AGO1: variants seen among roughly 807,000 people sequenced by gnomAD.
The protein encoded by AGO1 is argonaute RISC component 1.
AGO1 carries 11 observed loss-of-function variants against 109.2 expected under a neutral mutation model. The observed-to-expected ratio is 0.10, with a 90% confidence interval of 0.06 to 0.17. AGO1 has a LOEUF of 0.17. AGO1 is among the 10% of genes least tolerant of loss of function. AGO1 has a pLI of 1.00. For synonymous variants in AGO1, 422 were observed against 418.6 expected, an observed-to-expected ratio of 1.01 and a Z score of -0.10; for missense variants, 574 against 1,140.3, an observed-to-expected ratio of 0.50 and a Z score of 7.15.
At chr1:35,906,808 GAAA>G (rs58488535) in intron 11 of AGO1, 124 bp from the exon 12 acceptor site, 867 of 535,942 alleles carry the variant, frequency 1.6e-3, no homozygotes, top group South Asian at 1.7e-3. Context: ...CTGTCTCAAG[GAAA>G]AAAAAAAAAA....
At chr1:35,900,834 C>A (rs557683385) in intron 8 of AGO1, among the ~76,000 whole-genome samples, 2 of 151,908 alleles carry the variant, frequency 1.3e-5, no homozygotes, top group African/African-American at 2.4e-5. Context: ...TGCTTAAACC[C>A]GGGAGGCAGA....
At chr1:35,895,421 C>T (rs765205342) in intron 8 of AGO1, 152 bp downstream of exon 8, 1 of 868,734 alleles carries the variant, frequency 1.2e-6, no homozygotes, top group Non-Finnish European at 1.7e-6. Context: ...CTCATTCTTA[C>T]CTGCTAAGTT....
chr1:35,909,178 C>T (rs566992047), intron 12 of AGO1, among the ~76,000 whole-genome samples: 10 of 152,218 alleles, frequency 6.6e-5, no homozygotes, highest in African/African-American at 2.4e-4. Flanking sequence ...TCAAAAAAAC[C>T]TTCATTGATT....
intron 14 of AGO1, among the ~76,000 whole-genome samples, chr1:35,915,080 G>T (rs1207630924): frequency 1.3e-5 from 2 of 152,060 alleles, no homozygotes; most frequent in African/African-American, 4.8e-5. Context: ...ACCTACTGTG[G>T]GCTACGTCCT....
chr1:35,910,352 A>C (rs1357592110), intron 12 of AGO1, among the ~76,000 whole-genome samples: 1 of 151,646 alleles, frequency 6.6e-6, no homozygotes, highest in East Asian at 1.9e-4. Context: ...TCTTGTCTTT[A>C]GTATATTTAA....
chr1:35,872,049 G>A (rs1264013445), intron 1 of AGO1, among the ~76,000 whole-genome samples: 1 of 143,080 alleles, frequency 7.0e-6, no homozygotes, highest in African/African-American at 2.6e-5. Context: ...CAGCCTGGGC[G>A]ACAGAGCGAG....
rs1291821976 is a variant in AGO1, at chr1:35,921,228, AC to A, written c.*1622del. ...TTGCTGCTCCCTATTGCTTCTGTTT[AC>A]AAAAATGAATTTTTCCTGGTTTCCC... is the stretch of plus-strand genomic sequence containing the variant. On this transcript the variant is annotated 3_prime_UTR_variant, in exon 19 of 19. Transcript: ENST00000373204. 1.3e-5 allele frequency: 2 copies of A among 151,300 alleles called. No individual in the cohort carries two copies. The highest frequency in any genetic ancestry group is 2.9e-5 in the Non-Finnish European group (2 of 67,998). 9.4% of individuals were successfully genotyped at this position (151,300 alleles called of 1,614,324 possible). A position where few individuals can be genotyped will look rare whatever the true frequency, so the allele number is the denominator to read the frequency against.
rs1451961948 is a variant in AGO1, at chr1:35,917,576, C to T, written c.2029-17C>T. 2 of 1,604,018 alleles carry T rather than the reference C, an allele frequency of 1.2e-6. No homozygotes were observed. Among genetic ancestry groups the T allele is most frequent in the Non-Finnish European group, 1.7e-6 (2 of 1,172,546 alleles). ...CTGTGTATTTCTTTGTTTCCCTCCC[C>T]ATTTTTTTGTGCCTAGATACTCCAC... is the stretch of plus-strand genomic sequence containing the variant. On this transcript the variant is annotated splice_polypyrimidine_tract_variant and intron_variant, in intron 15 of 18. Transcript: ENST00000373204.
In AGO1 at chr1:35,926,222, G is replaced by A. The variant is rs932276397; in HGVS notation, c.*6615G>A. The A allele has an allele frequency of 2.0e-5, 3 of 152,206 alleles. No homozygotes were observed. Among genetic ancestry groups the A allele is most frequent in the African/African-American group, 7.2e-5 (3 of 41,440 alleles). The allele number at this position is 152,206 out of a possible 1,614,324, so 9.4% of individuals were successfully genotyped here. On this transcript the variant is annotated 3_prime_UTR_variant, in exon 19 of 19. Coordinates refer to ENST00000373204, the MANE Select transcript of AGO1 (RefSeq NM_012199.5). ...TTTAGTTTTAGAAAAGATTGATATTGAAAAGCCTTCAGGATTTGCCTGTGG... is the reference window on the plus strand; with the variant it reads ...TTTAGTTTTAGAAAAGATTGATATTAAAAAGCCTTCAGGATTTGCCTGTGG...
intron 11 of AGO1, among the ~76,000 whole-genome samples, chr1:35,903,455 G>T (rs1645458531): frequency 6.6e-6 from 1 of 152,142 alleles, no homozygotes. Flanking sequence ...TGGGGTCAAT[G>T]CACTCTAGGG....
At chr1:35,915,793 G>T (rs978846276) in intron 15 of AGO1, among the ~76,000 whole-genome samples, 8 of 152,194 alleles carry the variant, frequency 5.3e-5, no homozygotes, top group Non-Finnish European at 1.2e-4. Context: ...TGATTGTTTA[G>T]ACCAGTGATT....
upstream of AGO1, among the ~76,000 whole-genome samples, chr1:35,882,030 C>G (rs1645042468): frequency 6.6e-6 from 1 of 152,166 alleles, no homozygotes; most frequent in Non-Finnish European, 1.5e-5. This position sits in a 1 kb window ranked among gnomAD's most constrained non-coding sequence, Gnocchi z 5.1. Context: ...CATGTCAAGA[C>G]GTGGTGAACA....
At chr1:35,878,208 C>T (rs1205013450) in intron 1 of AGO1, among the ~76,000 whole-genome samples, 1 of 151,886 alleles carries the variant, frequency 6.6e-6, no homozygotes, top group African/African-American at 2.4e-5. Context: ...CTCAGCCTCC[C>T]GAGCAGCTGG....
chr1:35,873,483 A>G (rs1219857642), intron 1 of AGO1: 1 of 152,600 alleles, frequency 6.6e-6, no homozygotes, highest in Non-Finnish European at 1.5e-5. Context: ...ATAGTCCCTC[A>G]GTTGTTTTGT....
At chr1:35,881,839 T>C (rs367839697), upstream of AGO1, among the ~76,000 whole-genome samples, 13 of 152,248 alleles carry the variant, frequency 8.5e-5, no homozygotes, top group African/African-American at 3.1e-4. Flanking sequence ...TTGAGCTGGG[T>C]CTCTTACCCC....
chr1:35,885,381 G>A (rs984430603), intron 1 of AGO1, among the ~76,000 whole-genome samples: 1 of 152,168 alleles, frequency 6.6e-6, no homozygotes. Context: ...CAAAAAATAA[G>A]CTTATAGGAA....
intron 12 of AGO1, among the ~76,000 whole-genome samples, chr1:35,912,887 C>T (rs1208810414): frequency 2.6e-5 from 4 of 151,326 alleles, no homozygotes; most frequent in Non-Finnish European, 5.9e-5. Flanking sequence ...ATTTTTATTA[C>T]AGAAGCTGGA....
At chr1:35,917,512 A>G (rs1376079636) in intron 15 of AGO1, 81 bp from the exon 16 acceptor site, 2 of 1,445,820 alleles carry the variant, frequency 1.4e-6, no homozygotes, top group East Asian at 4.7e-5. Context: ...TACAAGTGGC[A>G]ACTCCTTAGT....
At chr1:35,880,042 A>G (rs944719960), upstream of AGO1, among the ~76,000 whole-genome samples, 1 of 151,962 alleles carries the variant, frequency 6.6e-6, no homozygotes, top group African/African-American at 2.4e-5. Flanking sequence ...GACCTTTGAG[A>G]GTTTTTTGAG....
Sources: allele counts gnomAD v4.1 joint callset (sites outside exome capture counted in the v4.1 genomes callset), GRCh38; gene constraint gnomAD v4.1.1; non-coding constraint Gnocchi (gnomAD v3.1); transcripts MANE v1.5; gene names NCBI Gene and HGNC (gene_info 2026-07-23, HGNC 2026-07-21).